The following RBM25 variants were observed in gnomAD, a reference collection of about 807,000 sequenced individuals.
RBM25 encodes the protein RNA binding motif protein 25, also known as RNA-binding protein 25.
In RBM25, 19 loss-of-function variants were observed where a neutral mutation model predicts 120.7. The ratio of observed to expected loss-of-function variants is 0.16; its 90% CI spans 0.11 to 0.23. The LOEUF (loss-of-function observed/expected upper bound fraction) is 0.23, where lower values mean the gene tolerates loss of function less well. Among genes scored for constraint, RBM25 ranks in the 10% least tolerant of loss-of-function variants. The pLI, the probability that RBM25 is intolerant of heterozygous loss-of-function variation, is 1.00. For synonymous variants in RBM25, 390 were observed against 326.7 expected, an observed-to-expected ratio of 1.19 and a Z score of -2.09; for missense variants, 605 against 1,041.5, an observed-to-expected ratio of 0.58 and a Z score of 5.77.
Position 73,106,298 on chromosome 14 carries a change from G to T in RBM25, c.1467+13G>T. On this transcript the variant is annotated intron_variant, in intron 12 of 18. Transcript: ENST00000261973. ...AAGAAGAGAAATGGTAAGATTCTAG[G>T]CTAAAATAAGTGATTTTTCAGGTAA... is the stretch of plus-strand genomic sequence containing the variant. 6.4e-7 allele frequency: 1 copy of T among 1,556,110 alleles called. No homozygotes were observed. The highest frequency in any genetic ancestry group is 8.6e-7 in the Non-Finnish European group (1 of 1,156,858).
chr14:73,109,620 C>A (rs1035212507), intron 14 of RBM25, 128 bp downstream of exon 14: 50 of 823,262 alleles, frequency 6.1e-5, no homozygotes, highest in Non-Finnish European at 8.1e-5. Context: ...GGTGAAACCC[C>A]GTCTCTATTA....
At chr14:73,100,331 C>A in intron 9 of RBM25, 1 of 688,146 alleles carries the variant, frequency 1.5e-6, no homozygotes, top group East Asian at 2.7e-5. Flanking sequence ...CAAGATGAAA[C>A]TCTCAGCTTG....
At chr14:73,093,706 C>A (rs1417433583) in intron 6 of RBM25, among the ~76,000 whole-genome samples, 1 of 151,734 alleles carries the variant, frequency 6.6e-6, no homozygotes, top group Non-Finnish European at 1.5e-5. Flanking sequence ...TGGGTTTCGC[C>A]ATGTTGGCTA....
intron 5 of RBM25, among the ~76,000 whole-genome samples, chr14:73,084,431 T>G (rs1895636481): frequency 6.6e-6 from 1 of 152,244 alleles, no homozygotes; most frequent in African/African-American, 2.4e-5. Context: ...ATTTTTTAAG[T>G]TGAGTTTTGC....
chr14:73,088,376 A>G (rs775553842), intron 6 of RBM25: 4 of 680,160 alleles, frequency 5.9e-6, no homozygotes, highest in South Asian at 3.0e-5. Flanking sequence ...CCAGGTTGGG[A>G]TGAAAGTAGT....
At chr14:73,079,983 T>C (rs543975297) in intron 4 of RBM25, among the ~76,000 whole-genome samples, 7 of 150,456 alleles carry the variant, frequency 4.7e-5, no homozygotes, top group East Asian at 3.9e-4. Flanking sequence ...TACTGGAGTA[T>C]AGAAATGTGT....
intron 4 of RBM25, among the ~76,000 whole-genome samples, chr14:73,083,108 A>G (rs891001728): frequency 6.6e-6 from 1 of 152,082 alleles, no homozygotes; most frequent in Admixed American, 6.6e-5. Flanking sequence ...TTATAAATAC[A>G]TACATATTGT....
intron 5 of RBM25, among the ~76,000 whole-genome samples, chr14:73,084,767 C>G (rs61985147): frequency 0.099 from 15,017 of 151,622 alleles, 819 homozygotes; most frequent in African/African-American, 0.14. Context: ...GGTCAGGCTG[C>G]TCCTGAGCTG....
At chr14:73,097,325 TGA>T (rs1339395931) in intron 7 of RBM25, among the ~76,000 whole-genome samples, 1 of 150,716 alleles carries the variant, frequency 6.6e-6, no homozygotes, top group African/African-American at 2.4e-5. Context: ...CTCAGCCTCC[TGA>T]GTAGCTGGGA....
At position 73,107,838 on chromosome 14, in the gene RBM25, A is replaced by C; in HGVS notation, c.1480A>C (p.Lys494Gln). ...ERRREMAKEA[K>Q]RLKEFLEDYD... is the part of the protein sequence containing the mutation. ...TATTTCCTCAAAGGCCAAAGAAGCT[A>C]AACGACTAAAAGAATTCTTAGAAGA... Residue 494 changes from lysine to glutamine, a missense_variant, in exon 13 of 19, where the codon AAA (lysine) becomes CAA (glutamine). By Grantham distance (53) the Lys-to-Gln change is moderately conservative (BLOSUM62 1). Coordinates refer to ENST00000261973, the MANE Select transcript of RBM25 (RefSeq NM_021239.3). 1 of 1,597,090 alleles carries C rather than the reference A, an allele frequency of 6.3e-7. No homozygotes were observed. Among genetic ancestry groups the C allele is most frequent in the South Asian group, 1.1e-5 (1 of 89,430 alleles).
At chr14:73,092,722 C>T (rs183676123) in intron 6 of RBM25, among the ~76,000 whole-genome samples, 1 of 151,980 alleles carries the variant, frequency 6.6e-6, no homozygotes, top group South Asian at 2.1e-4. Context: ...ATCCCTCCCA[C>T]CTGCCCCCCA....
chr14:73,078,954 A>G (rs546328408), intron 4 of RBM25, among the ~76,000 whole-genome samples: 1 of 152,336 alleles, frequency 6.6e-6, no homozygotes, highest in Non-Finnish European at 1.5e-5. Context: ...ATGTTAAACA[A>G]TGATTTTAGC....
At chr14:73,106,575 A>G (rs1384176437) in intron 12 of RBM25, among the ~76,000 whole-genome samples, 1 of 152,164 alleles carries the variant, frequency 6.6e-6, no homozygotes, top group Admixed American at 6.5e-5. Flanking sequence ...AAGAATCTGC[A>G]TATTTTTAAA....
At chr14:73,100,853 G>A (rs1020417082) in intron 9 of RBM25, 5 of 152,242 alleles carry the variant, frequency 3.3e-5, no homozygotes, top group African/African-American at 1.2e-4. Context: ...TTAATTTTGA[G>A]AGTTGAAAAG....
intron 10 of RBM25, among the ~76,000 whole-genome samples, chr14:73,104,980 C>CT (rs1228721989): frequency 2.7e-5 from 4 of 149,250 alleles, no homozygotes; most frequent in African/African-American, 9.9e-5. Flanking sequence ...AAATCCATCT[C>CT]TTATATTTAT....
Position 73,111,084 on chromosome 14 carries a change from C to T in RBM25, c.1946C>T (p.Pro649Leu), listed in dbSNP as rs769501978. The change falls in exon 15 of 19, where the codon CCT becomes CTT. Residue 649 changes from proline (P) to leucine (L), a missense_variant. Pro to Leu is a moderately conservative substitution (Grantham distance 98). This residue lies in a region of RBM25 where 465 missense variants were observed against 741.6 expected (regional missense o/e 0.63). Coordinates refer to ENST00000261973, the MANE Select transcript of RBM25 (RefSeq NM_021239.3). ...GDESPCGIII[P>L]HENSPDQQQP... is the part of the protein sequence containing the mutation. The stretch of plus-strand genomic sequence containing the variant: ...GAGTCTCCCTGTGGTATTATTATTC[C>T]TCATGAAAACTCACCAGATCAACAG... The T allele has an allele frequency of 1.3e-5, 21 of 1,614,016 alleles. No homozygotes were observed. The highest frequency in any genetic ancestry group is 8.5e-7 in the Non-Finnish European group (1 of 1,180,038).
intron 5 of RBM25, 94 bp from the exon 6 acceptor site, chr14:73,087,907 A>T: frequency 7.9e-7 from 1 of 1,263,280 alleles, no homozygotes; most frequent in Non-Finnish European, 1.1e-6. Flanking sequence ...TCTTTGTATT[A>T]AAACATTTGG....
chr14:73,118,800 C>T (rs1305322841), intron 18 of RBM25, among the ~76,000 whole-genome samples: 3 of 151,490 alleles, frequency 2.0e-5, no homozygotes, highest in African/African-American at 7.3e-5. Flanking sequence ...CGGAGTTTTG[C>T]TCTTGTTGAC....
intron 9 of RBM25, chr14:73,102,642 T>C (rs1404343793): frequency 2.6e-5 from 4 of 152,620 alleles, no homozygotes; most frequent in South Asian, 4.1e-4. Context: ...TTTCCATAGA[T>C]GATAAGGCAG....
Sources: gnomAD v4.1 joint callset for allele counts (sites outside exome capture counted in the v4.1 genomes callset) on GRCh38, gnomAD v4.1.1 for gene constraint, gnomAD v4.1.1 regional missense constraint, MANE v1.5 for transcripts, NCBI Gene and HGNC (gene_info 2026-07-23, HGNC 2026-07-21) for gene names.